PTPRD: variants seen among roughly 807,000 people sequenced by gnomAD.
PTPRD encodes the protein receptor-type tyrosine-protein phosphatase delta.
In PTPRD, 34 loss-of-function variants were observed where a neutral mutation model predicts 214.5. The ratio of observed to expected loss-of-function variants is 0.16; its 90% CI spans 0.12 to 0.21. The LOEUF (loss-of-function observed/expected upper bound fraction) is 0.21, where lower values mean the gene tolerates loss of function less well. PTPRD is among the 10% of genes least tolerant of loss of function. The probability of loss-of-function intolerance (pLI) is 1.00; values close to 1 mark genes in which losing one functional copy is unlikely to be tolerated. For missense variants in PTPRD, 2,545 were observed against 2,398.7 expected (o/e 1.06, Z -1.27); for synonymous variants, 1,128 against 845.7 (o/e 1.33, Z -5.79).
At chr9:9,933,170 T>C (rs1188711613) in intron 5 of PTPRD, among the ~76,000 whole-genome samples, 2 of 152,176 alleles carry the variant, frequency 1.3e-5, no homozygotes, top group African/African-American at 4.8e-5. Flanking sequence ...CTGCATCAAC[T>C]AACGTGCAAA....
At chr9:9,679,116 AG>A (rs200056615) in intron 7 of PTPRD, among the ~76,000 whole-genome samples, 2 of 100,878 alleles carry the variant, frequency 2.0e-5, no homozygotes, top group African/African-American at 6.4e-5. Flanking sequence ...AGGTTGAAAA[AG>A]GGGGAAAAAA....
intron 9 of PTPRD, among the ~76,000 whole-genome samples, chr9:9,201,211 A>C (rs558440669): frequency 7.8e-4 from 119 of 152,308 alleles, no homozygotes; most frequent in Middle Eastern, 3.4e-3. Flanking sequence ...GCAAGAAGAA[A>C]ACTAAAATAA....
intron 9 of PTPRD, among the ~76,000 whole-genome samples, chr9:9,200,065 T>C (rs941350533): frequency 6.6e-6 from 1 of 152,164 alleles, no homozygotes; most frequent in Non-Finnish European, 1.5e-5. Context: ...AGTCAGGGCA[T>C]GGTTGAAGGC....
intron 9 of PTPRD, among the ~76,000 whole-genome samples, chr9:9,392,812 C>G (rs13295141): frequency 0.26 from 39,842 of 151,820 alleles, 5,306 homozygotes; most frequent in Middle Eastern, 0.29. Context: ...TTCTTCCAGT[C>G]TTCACTTTCA....
chr9:9,759,528 A>G (rs981729452), intron 6 of PTPRD, among the ~76,000 whole-genome samples: 1 of 151,264 alleles, frequency 6.6e-6, no homozygotes, highest in Non-Finnish European at 1.5e-5. Flanking sequence ...AAAATGATGC[A>G]AACATCTTCA....
At chr9:9,611,165 C>T (rs965860184) in intron 7 of PTPRD, among the ~76,000 whole-genome samples, 2 of 152,072 alleles carry the variant, frequency 1.3e-5, no homozygotes, top group Non-Finnish European at 2.9e-5. Flanking sequence ...TTTAGGTTGT[C>T]TTCAAATTAT....
intron 33 of PTPRD, among the ~76,000 whole-genome samples, chr9:8,459,175 C>T (rs2096303814): frequency 6.6e-6 from 1 of 151,708 alleles, no homozygotes; most frequent in Non-Finnish European, 1.5e-5. Flanking sequence ...AATATAAACC[C>T]CCCAAAAGGG....
At chr9:8,733,987 C>T in intron 11 of PTPRD, 41 bp from the exon 12 acceptor site, 1 of 769,988 alleles carries the variant, frequency 1.3e-6, no homozygotes, top group Non-Finnish European at 2.1e-6. Context: ...GAAGAAAACA[C>T]AAAAGTGCTT....
chr9:9,056,755 A>G (rs1173969008), intron 10 of PTPRD, among the ~76,000 whole-genome samples: 2 of 152,242 alleles, frequency 1.3e-5, no homozygotes. Context: ...AGGCCTGTAC[A>G]CTTTGCTGCA....
intron 12 of PTPRD, among the ~76,000 whole-genome samples, chr9:8,688,579 AG>A (rs2097738329): frequency 6.7e-6 from 1 of 148,204 alleles, no homozygotes; most frequent in South Asian, 2.1e-4. Flanking sequence ...AAAAAAAAAA[AG>A]AAAAAAATAT....
At chr9:10,393,725 T>C (rs960339174) in intron 2 of PTPRD, among the ~76,000 whole-genome samples, 85 of 147,302 alleles carry the variant, frequency 5.8e-4, no homozygotes, top group Admixed American at 2.8e-3. Flanking sequence ...TATAATCAAA[T>C]ATATAAATAC....
chr9:9,825,778 C>G (rs1036754146), intron 5 of PTPRD, among the ~76,000 whole-genome samples: 7 of 151,456 alleles, frequency 4.6e-5, no homozygotes, highest in Non-Finnish European at 8.9e-5. Flanking sequence ...TCATGTATCT[C>G]CATTATGTTA....
intron 30 of PTPRD, among the ~76,000 whole-genome samples, chr9:8,482,280 C>A (rs2096903320): frequency 7.5e-6 from 1 of 133,378 alleles, no homozygotes; most frequent in African/African-American, 3.0e-5. Context: ...AAAGCAGCTA[C>A]CAATAATGTA....
chr9:9,457,552 T>C lies in PTPRD; in HGVS notation c.-236-60070A>G, dbSNP rs143980138. Among the ~76,000 whole-genome samples the C allele has an allele frequency of 3.0e-3, 463 of 152,144 alleles. 2 individuals carry two copies. Among genetic ancestry groups the C allele is most frequent in the Non-Finnish European group, 4.7e-3 (318 of 67,924 alleles). ...CAAAAATTTAGGGCATGATGTATTA[T>C]ACTTTATTCTGGGGAAGATTTTATG... On this transcript the variant is annotated intron_variant, in intron 8 of 45. Transcript: ENST00000381196.
At chr9:8,392,141 T>G (rs973492688) in intron 36 of PTPRD, among the ~76,000 whole-genome samples, 1 of 151,978 alleles carries the variant, frequency 6.6e-6, no homozygotes, top group African/African-American at 2.4e-5. Context: ...TCCCAACATT[T>G]TGAGAGGCTG....
intron 3 of PTPRD, among the ~76,000 whole-genome samples, chr9:10,190,165 G>A (rs550498270): frequency 2.7e-5 from 4 of 148,452 alleles, no homozygotes; most frequent in East Asian, 2.1e-4. Context: ...TCAGGAGTTC[G>A]AGATCAGCCT....
intron 43 of PTPRD, among the ~76,000 whole-genome samples, chr9:8,332,149 C>CTAAT (rs749538325): frequency 6.6e-6 from 1 of 152,080 alleles, no homozygotes; most frequent in South Asian, 2.1e-4. Context: ...ATTTCAGAAA[C>CTAAT]TAATTACTTT....
chr9:9,934,874 A>C (rs28870780), intron 5 of PTPRD, among the ~76,000 whole-genome samples: 226 of 151,866 alleles, frequency 1.5e-3, no homozygotes, highest in African/African-American at 5.1e-3. Context: ...AAAGCTTATC[A>C]ACCATGATCA....
chr9:9,488,657 G>C (rs913936592), intron 8 of PTPRD, among the ~76,000 whole-genome samples: 1 of 152,204 alleles, frequency 6.6e-6, no homozygotes, highest in Admixed American at 6.5e-5. Flanking sequence ...TCCCCACTTA[G>C]GAGAATGCAC....
Sources: gnomAD v4.1 joint callset for allele counts (sites outside exome capture counted in the v4.1 genomes callset) on GRCh38, gnomAD v4.1.1 for gene constraint, MANE v1.5 for transcripts, NCBI Gene and HGNC (gene_info 2026-07-23, HGNC 2026-07-21) for gene names.